The following ZBTB20 variants were observed in gnomAD, a reference collection of about 807,000 sequenced individuals.
The protein encoded by ZBTB20 is zinc finger and BTB domain containing 20, also known as zinc finger and BTB domain-containing protein 20.
In ZBTB20, 9 loss-of-function variants were observed where a neutral mutation model predicts 56.9. That is an observed-to-expected ratio of 0.16 (90% CI 0.10 to 0.28). The LOEUF (loss-of-function observed/expected upper bound fraction) is 0.28, where lower values mean the gene tolerates loss of function less well. ZBTB20 is among the 10% of genes least tolerant of loss of function. ZBTB20 has a pLI of 1.00. For synonymous variants in ZBTB20, 417 were observed against 420.7 expected, an observed-to-expected ratio of 0.99 and a Z score of 0.11; for missense variants, 655 against 1,003.0, an observed-to-expected ratio of 0.65 and a Z score of 4.69.
intron 7 of ZBTB20, among the ~76,000 whole-genome samples, chr3:114,436,108 A>T (rs2108923903): frequency 6.6e-6 from 1 of 152,328 alleles, no homozygotes; most frequent in East Asian, 1.9e-4. Context: ...TTTCCTGGCA[A>T]CAAATACTAT....
chr3:114,870,050 T>C (rs1386986313), intron 4 of ZBTB20, among the ~76,000 whole-genome samples: 2 of 152,158 alleles, frequency 1.3e-5, no homozygotes, highest in East Asian at 3.9e-4. Context: ...ATATACGTCA[T>C]TGGCAATAGG....
rs563914730 is a variant in ZBTB20 at position 114,424,863 on chromosome 3, G to A, written c.-254-35758C>T. 8.5e-5 allele frequency among the ~76,000 whole-genome samples: 13 copies of A among 152,280 alleles called. No individual in the cohort carries two copies. In the East Asian group the frequency reaches 1.9e-3, roughly 23 times the overall value. On this transcript the variant is annotated intron_variant, in intron 7 of 11. Coordinates refer to ENST00000675478, the MANE Select transcript of ZBTB20 (RefSeq NM_001348800.3). ...TGTCATTCTGAAGAAAGCTGGTCAA[G>A]GTGTAAAGCAAACCGGCCTCTCAGT... is the stretch of plus-strand genomic sequence containing the variant.
At chr3:114,858,484 A>AT (rs2075346998) in intron 4 of ZBTB20, among the ~76,000 whole-genome samples, 1 of 152,068 alleles carries the variant, frequency 6.6e-6, no homozygotes, top group Non-Finnish European at 1.5e-5. Flanking sequence ...ACATAGTGCA[A>AT]TAAAAAGGAA....
chr3:114,506,894 A>G (rs2044680833), intron 6 of ZBTB20, among the ~76,000 whole-genome samples: 2 of 152,170 alleles, frequency 1.3e-5, no homozygotes, highest in Admixed American at 6.5e-5. Context: ...GGCCTGGGAC[A>G]TCTATGTCTC....
chr3:114,331,201 G>A lies in ZBTB20; in HGVS notation c.*7804C>T, dbSNP rs1293702297. ...GAGCTATGGGATGGCTCAGGCCAAAGTTTGTGTGGGCTTTGCCTGCCTGGC... is the reference window on the plus strand; with the variant it reads ...GAGCTATGGGATGGCTCAGGCCAAAATTTGTGTGGGCTTTGCCTGCCTGGC... On this transcript the variant is annotated 3_prime_UTR_variant, in exon 12 of 12. Coordinates refer to ENST00000675478, the MANE Select transcript of ZBTB20 (RefSeq NM_001348800.3). The A allele has an allele frequency of 6.6e-6, 1 of 152,448 alleles. No homozygotes were observed. Among genetic ancestry groups the A allele is most frequent in the Non-Finnish European group, 1.5e-5 (1 of 68,326 alleles). The allele number at this position is 152,448 out of a possible 1,614,324, so 9.4% of individuals were successfully genotyped here.
rs1006161236 is a variant in ZBTB20 at position 114,331,455 on chromosome 3, C to T, written c.*7550G>A. 1.3e-5 allele frequency: 2 copies of T among 152,178 alleles called. No individual in the cohort carries two copies. The highest frequency in any genetic ancestry group is 2.4e-5 in the African/African-American group (1 of 41,444). The allele number at this position is 152,178 out of a possible 1,614,324, so 9.4% of individuals were successfully genotyped here. A position where few individuals can be genotyped will look rare whatever the true frequency, so the allele number is the denominator to read the frequency against. On this transcript the variant is annotated 3_prime_UTR_variant, in exon 12 of 12. Coordinates refer to ENST00000675478, the MANE Select transcript of ZBTB20 (RefSeq NM_001348800.3). Reference sequence around the variant, plus strand: ...AGGTGACTGCTTCCTGGGAAGGGAGCCACAAGTCTTAAACACAATGGTGGG... The same window carrying T: ...AGGTGACTGCTTCCTGGGAAGGGAGTCACAAGTCTTAAACACAATGGTGGG...
chr3:114,601,606 T>C (rs2056763827), intron 6 of ZBTB20, among the ~76,000 whole-genome samples: 1 of 151,954 alleles, frequency 6.6e-6, no homozygotes, highest in Non-Finnish European at 1.5e-5. Flanking sequence ...GCTAAATATA[T>C]AGACAGATAA....
At chr3:114,562,629 C>A (rs1028250594) in intron 6 of ZBTB20, among the ~76,000 whole-genome samples, 1 of 152,166 alleles carries the variant, frequency 6.6e-6, no homozygotes, top group African/African-American at 2.4e-5. Flanking sequence ...TAGCTTTCAG[C>A]CTTTCTGGGC....
In ZBTB20 at chr3:114,331,564, G is replaced by C. The variant is rs2079256752; in HGVS notation, c.*7441C>G. 6.6e-6 allele frequency: 1 copy of C among 152,176 alleles called. No individual in the cohort carries two copies. Among genetic ancestry groups the C allele is most frequent in the South Asian group, 2.1e-4 (1 of 4,836 alleles). 9.4% of individuals were successfully genotyped at this position (152,176 alleles called of 1,614,324 possible). A position where few individuals can be genotyped will look rare whatever the true frequency, so the allele number is the denominator to read the frequency against. ...CACACACACTTCCAGATGACAATAA[G>C]TATATACACAAACACACACATGTGC... On this transcript the variant is annotated 3_prime_UTR_variant, in exon 12 of 12. Transcript: ENST00000675478.
At chr3:115,129,763 T>A (rs2084446734) in intron 1 of ZBTB20, among the ~76,000 whole-genome samples, 1 of 152,182 alleles carries the variant, frequency 6.6e-6, no homozygotes, top group Non-Finnish European at 1.5e-5. Context: ...TATACTAGAA[T>A]AAGACATCAT....
chr3:115,076,697 A>T (rs897520031), intron 1 of ZBTB20, among the ~76,000 whole-genome samples: 4 of 152,216 alleles, frequency 2.6e-5, no homozygotes, highest in African/African-American at 9.6e-5. Context: ...AACAGGTAAG[A>T]CTATACATCT....
intron 3 of ZBTB20, among the ~76,000 whole-genome samples, chr3:114,926,957 G>T (rs1231278203): frequency 1.3e-5 from 2 of 152,026 alleles, no homozygotes; most frequent in Non-Finnish European, 2.9e-5. Flanking sequence ...TGCCCAGACT[G>T]GTCTTGAACT....
chr3:114,976,266 C>T (rs114736843), intron 2 of ZBTB20, among the ~76,000 whole-genome samples: 1,599 of 152,216 alleles, frequency 0.011, 18 homozygotes, highest in African/African-American at 0.031. Flanking sequence ...GACAGGGAAA[C>T]TTCTCAAAGG....
rs754067926 is a variant in ZBTB20, at chr3:114,350,261, G to C, written c.1804+13C>G. ...GCCCCTGCTGCCAGGCCTCCAGGTG[G>C]GGTGACACTCACCTGTGTGTACGAA... On this transcript the variant is annotated intron_variant, in intron 11 of 11. Transcript: ENST00000675478. 6.3e-7 allele frequency: 1 copy of C among 1,582,040 alleles called. No individual in the cohort carries two copies. Among genetic ancestry groups the C allele is most frequent in the South Asian group, 1.2e-5 (1 of 86,802 alleles).
chr3:114,910,266 TAGAA>T (rs970985343), intron 3 of ZBTB20, among the ~76,000 whole-genome samples: 2 of 151,502 alleles, frequency 1.3e-5, no homozygotes, highest in African/African-American at 4.9e-5. Flanking sequence ...CATATGTGGT[TAGAA>T]ATTTATATAA....
intron 1 of ZBTB20, among the ~76,000 whole-genome samples, chr3:115,122,124 A>G (rs1208545365): frequency 6.6e-6 from 1 of 152,100 alleles, no homozygotes; most frequent in East Asian, 1.9e-4. Context: ...AAGCATATCG[A>G]AATTATCTTG....
At chr3:114,485,650 G>C (rs1280304884) in intron 7 of ZBTB20, among the ~76,000 whole-genome samples, 1 of 152,186 alleles carries the variant, frequency 6.6e-6, no homozygotes, top group Non-Finnish European at 1.5e-5. Context: ...AGTATTAAGA[G>C]GTGGAGTCTT....
At chr3:114,645,460 A>T (rs906945652) in intron 6 of ZBTB20, among the ~76,000 whole-genome samples, 1 of 152,146 alleles carries the variant, frequency 6.6e-6, no homozygotes, top group Non-Finnish European at 1.5e-5. Flanking sequence ...TGACTATATC[A>T]ATTTGTCTTG....
chr3:114,815,979 G>A (rs1320691405), intron 4 of ZBTB20, among the ~76,000 whole-genome samples: 3 of 152,020 alleles, frequency 2.0e-5, no homozygotes, highest in East Asian at 1.9e-4. Flanking sequence ...AGTCAGCTAC[G>A]CCTATAAAGG....
Sources: gnomAD v4.1 joint callset for allele counts (sites outside exome capture counted in the v4.1 genomes callset) on GRCh38, gnomAD v4.1.1 for gene constraint, MANE v1.5 for transcripts, NCBI Gene and HGNC (gene_info 2026-07-23, HGNC 2026-07-21) for gene names.